RANBP2: variants seen among roughly 807,000 people sequenced by gnomAD.
RANBP2 encodes the protein RAN binding protein 2, also known as E3 SUMO-protein ligase RanBP2.
In RANBP2, 57 loss-of-function variants were observed where a neutral mutation model predicts 303.6. The ratio of observed to expected loss-of-function variants is 0.19; its 90% CI spans 0.15 to 0.23. The LOEUF is 0.23. Ranked by LOEUF, RANBP2 falls within the 10% of genes least tolerant of loss-of-function variation. The pLI, the probability that RANBP2 is intolerant of heterozygous loss-of-function variation, is 1.00. For missense variants in RANBP2, 3,138 were observed against 3,780.8 expected (o/e 0.83, Z 4.46); for synonymous variants, 1,167 against 1,301.5 (o/e 0.90, Z 2.23).
the RANBP2 span, among the ~76,000 whole-genome samples, chr2:109,659,247 T>G: frequency 1.3e-5 from 2 of 151,490 alleles, no homozygotes; most frequent in African/African-American, 4.9e-5. Flanking sequence ...CGTGGTGGTG[T>G]GTGCCTGTAG....
At chr2:109,704,637 G>A in the RANBP2 span, among the ~76,000 whole-genome samples, 1 of 152,016 alleles carries the variant, frequency 6.6e-6, no homozygotes, top group African/African-American at 2.4e-5. Context: ...ATCACCTGAG[G>A]TCAGGAGTTC....
the RANBP2 span, among the ~76,000 whole-genome samples, chr2:109,734,850 G>C: frequency 6.6e-6 from 1 of 152,084 alleles, no homozygotes; most frequent in Non-Finnish European, 1.5e-5. Flanking sequence ...ATGGTCAATG[G>C]ATTCTTTCTT....
the RANBP2 span, among the ~76,000 whole-genome samples, chr2:109,448,942 C>T: frequency 3.3e-5 from 5 of 152,156 alleles, no homozygotes; most frequent in African/African-American, 7.2e-5. Flanking sequence ...TGTTTTGAGC[C>T]GTGGCAGGGC....
the RANBP2 span, among the ~76,000 whole-genome samples, chr2:109,407,948 T>C: frequency 6.6e-6 from 1 of 152,196 alleles, no homozygotes; most frequent in Admixed American, 6.5e-5. Context: ...GCAGTGTTTC[T>C]TTTGCTGCTA....
the RANBP2 span, among the ~76,000 whole-genome samples, chr2:109,326,116 C>G: frequency 1.3e-5 from 2 of 152,212 alleles, no homozygotes; most frequent in African/African-American, 4.8e-5. Flanking sequence ...AGGACACACA[C>G]GTATGTGGGT....
At chr2:109,416,976 C>T in the RANBP2 span, among the ~76,000 whole-genome samples, 2 of 151,830 alleles carry the variant, frequency 1.3e-5, no homozygotes, top group African/African-American at 2.4e-5. Context: ...CACACAGTCA[C>T]AGGCCATGGT....
chr2:108,744,881 G>T (rs538088867), intron 7 of RANBP2, among the ~76,000 whole-genome samples: 67 of 152,248 alleles, frequency 4.4e-4, no homozygotes, highest in African/African-American at 1.5e-3. Context: ...AATGTTTTAT[G>T]CATCTCCAAG....
the RANBP2 span, among the ~76,000 whole-genome samples, chr2:108,863,642 C>T: frequency 1.3e-5 from 2 of 152,160 alleles, no homozygotes; most frequent in African/African-American, 2.4e-5. Context: ...TATATTTCTA[C>T]ATAACCTTTG....
the RANBP2 span, among the ~76,000 whole-genome samples, chr2:108,824,863 C>T: frequency 6.6e-6 from 1 of 152,006 alleles, no homozygotes; most frequent in African/African-American, 2.4e-5. Flanking sequence ...GAATTTTTAG[C>T]TGCATTATAA....
chr2:108,886,125 C>T, the RANBP2 span, among the ~76,000 whole-genome samples: 1 of 151,926 alleles, frequency 6.6e-6, no homozygotes, highest in Non-Finnish European at 1.5e-5. Flanking sequence ...GGGTAGATAC[C>T]CAGTAGAGGG....
the RANBP2 span, among the ~76,000 whole-genome samples, chr2:109,408,504 AC>A: frequency 6.6e-6 from 1 of 152,024 alleles, no homozygotes; most frequent in Non-Finnish European, 1.5e-5. Context: ...GGCGAGAAAA[AC>A]GGGGTCCCAC....
chr2:109,308,836 ATAG>A, the RANBP2 span, among the ~76,000 whole-genome samples: 1 of 60,008 alleles, frequency 1.7e-5, no homozygotes, highest in Non-Finnish European at 2.6e-5. Flanking sequence ...GCCTTGTAGT[ATAG>A]TTTGAAGTCA....
the RANBP2 span, chr2:108,930,914 C>A: frequency 6.3e-7 from 1 of 1,599,296 alleles, no homozygotes; most frequent in Admixed American, 1.7e-5. Context: ...AACAGTCCAA[C>A]CATCATGAGG....
At position 108,749,142 on chromosome 2, in the gene RANBP2, T is replaced by C. The variant is rs1430624306; in HGVS notation, c.1273+13T>C. ...AGATACGATGTTGGTAAGTTATATGTTTCAGAGGAAATGGTCTCCGTCTTA... is the reference window on the plus strand; with the variant it reads ...AGATACGATGTTGGTAAGTTATATGCTTCAGAGGAAATGGTCTCCGTCTTA... On this transcript the variant is annotated intron_variant, in intron 9 of 28. Transcript: ENST00000283195. 6.2e-7 allele frequency: 1 copy of C among 1,611,984 alleles called. No homozygotes were observed. Among genetic ancestry groups the C allele is most frequent in the Non-Finnish European group, 8.5e-7 (1 of 1,179,848 alleles).
At chr2:109,424,001 G>A in the RANBP2 span, among the ~76,000 whole-genome samples, 4 of 152,228 alleles carry the variant, frequency 2.6e-5, no homozygotes, top group African/African-American at 9.7e-5. Context: ...AGACGTCTGG[G>A]CCGCTGCAGG....
chr2:109,134,739 C>T, the RANBP2 span, among the ~76,000 whole-genome samples: 3 of 152,134 alleles, frequency 2.0e-5, no homozygotes, highest in Admixed American at 1.3e-4. Context: ...AGGCTCAGCT[C>T]GTTGGTAGCA....
chr2:108,734,794 A>T (rs2149124841), intron 4 of RANBP2, among the ~76,000 whole-genome samples: 1 of 152,010 alleles, frequency 6.6e-6, no homozygotes, highest in South Asian at 2.1e-4. Context: ...TGGCAAGTGG[A>T]TGGTTGAGGT....
At chr2:108,756,862 C>T (rs1364989711) in intron 17 of RANBP2, among the ~76,000 whole-genome samples, 2 of 152,182 alleles carry the variant, frequency 1.3e-5, no homozygotes, top group African/African-American at 4.8e-5. Flanking sequence ...AAATTCAAAG[C>T]TCTGGTGCGG....
chr2:108,721,593 C>T (rs1171513208), intron 1 of RANBP2, among the ~76,000 whole-genome samples: 1 of 152,050 alleles, frequency 6.6e-6, no homozygotes, highest in Non-Finnish European at 1.5e-5. Flanking sequence ...GGTGTACCCA[C>T]CACACCCGCT....
Sources: allele counts gnomAD v4.1 joint callset (sites outside exome capture counted in the v4.1 genomes callset), GRCh38; gene constraint gnomAD v4.1.1; transcripts MANE v1.5; gene names NCBI Gene and HGNC (gene_info 2026-07-23, HGNC 2026-07-21).